Variants in AMPH observed in about 807,000 individuals in gnomAD.
AMPH encodes the protein amphiphysin, also known as amphiphysin (Stiff-Mann syndrome with breast cancer 128kD autoantigen).
AMPH carries 49 observed loss-of-function variants against 99.1 expected under a neutral mutation model. That is an observed-to-expected ratio of 0.49 (90% CI 0.39 to 0.63). AMPH has a LOEUF of 0.63. Ranked by LOEUF, AMPH falls within the 20% of genes least tolerant of loss-of-function variation. The pLI, the probability that AMPH is intolerant of heterozygous loss-of-function variation, is 0.00. For missense variants in AMPH, 759 were observed against 863.4 expected, an observed-to-expected ratio of 0.88 and a Z score of 1.52; for synonymous variants, 314 against 317.3, an observed-to-expected ratio of 0.99 and a Z score of 0.11.
At position 38,571,011 on chromosome 7, in the gene AMPH, ATATATATATT is replaced by A. The variant is rs1296654218; in HGVS notation, c.70-36010_70-36001del. ...ATATATATATATTCATATATATAGA[ATATATATATT>A]CATATATTGAATATATATAGAATAT... On this transcript the variant is annotated intron_variant, in intron 1 of 20. Transcript: ENST00000356264. 1.4e-3 allele frequency among the ~76,000 whole-genome samples: 111 copies of A among 77,492 alleles called. 15 individuals carry two copies. The highest frequency in any genetic ancestry group is 5.9e-3 in the African/African-American group (105 of 17,744). The allele number at this position is 77,492 out of a possible 152,430, so 50.8% of individuals were successfully genotyped here. A position where few individuals can be genotyped will look rare whatever the true frequency, so the allele number is the denominator to read the frequency against.
rs1562835405 is a variant in AMPH at position 38,571,342 on chromosome 7, A to AAC, written c.70-36332_70-36331insGT. On this transcript the variant is annotated intron_variant, in intron 1 of 20. Coordinates refer to ENST00000356264, the MANE Select transcript of AMPH (RefSeq NM_001635.4). ...ATAGAATATATATATTTATATATAG[A>AAC]ATATATATATTTACATATAGAATAT... Among the ~76,000 whole-genome samples, 153 of 52,258 alleles carry AAC rather than the reference A, an allele frequency of 2.9e-3. 5 individuals are homozygous for AAC. Among genetic ancestry groups the AAC allele is most frequent in the African/African-American group, 0.011 (150 of 13,194 alleles). 34.3% of individuals were successfully genotyped at this position (52,258 alleles called of 152,430 possible).
intron 2 of AMPH, among the ~76,000 whole-genome samples, chr7:38,532,527 T>C (rs1219011482): frequency 2.0e-5 from 3 of 152,140 alleles, no homozygotes; most frequent in Admixed American, 6.5e-5. Context: ...TCTTCATGGG[T>C]GCTAATATAC....
At chr7:38,469,978 C>T (rs887545280) in intron 7 of AMPH, among the ~76,000 whole-genome samples, 3 of 152,124 alleles carry the variant, frequency 2.0e-5, no homozygotes, top group African/African-American at 7.2e-5. Context: ...ATTCCACCTG[C>T]TTCTTTCAAA....
At chr7:38,497,493 A>T (rs1190468238) in intron 3 of AMPH, among the ~76,000 whole-genome samples, 2 of 152,198 alleles carry the variant, frequency 1.3e-5, no homozygotes, top group African/African-American at 4.8e-5. Flanking sequence ...TCCCATTTGC[A>T]GCCAAATTTG....
intron 13 of AMPH, among the ~76,000 whole-genome samples, chr7:38,431,580 C>T (rs912680592): frequency 1.3e-4 from 20 of 151,438 alleles, no homozygotes; most frequent in Non-Finnish European, 2.1e-4. Flanking sequence ...GGTGTGAACC[C>T]GGGAGGCGGA....
At chr7:38,441,129 T>TA (rs201093266) in intron 11 of AMPH, among the ~76,000 whole-genome samples, 2 of 151,768 alleles carry the variant, frequency 1.3e-5, no homozygotes, top group African/African-American at 2.4e-5. Context: ...ACATTAACAA[T>TA]AAAAAAAGTA....
At chr7:38,520,817 T>C (rs1789928203) in intron 2 of AMPH, among the ~76,000 whole-genome samples, 1 of 152,200 alleles carries the variant, frequency 6.6e-6, no homozygotes, top group African/African-American at 2.4e-5. Flanking sequence ...GAAAAGAGTT[T>C]GAAAGCCAGC....
At chr7:38,421,963 A>G (rs1307632240) in intron 16 of AMPH, among the ~76,000 whole-genome samples, 1 of 152,172 alleles carries the variant, frequency 6.6e-6, no homozygotes, top group Non-Finnish European at 1.5e-5. Context: ...CTCATTTGGT[A>G]TCAAATTAGG....
At chr7:38,606,236 T>C (rs1435803752) in intron 1 of AMPH, among the ~76,000 whole-genome samples, 1 of 152,174 alleles carries the variant, frequency 6.6e-6, no homozygotes, top group Non-Finnish European at 1.5e-5. Context: ...AACATGAAAT[T>C]CACCATTGTA....
chr7:38,544,464 T>C (rs1790922532), intron 1 of AMPH, among the ~76,000 whole-genome samples: 1 of 152,138 alleles, frequency 6.6e-6, no homozygotes. Flanking sequence ...CTGGGGTCCA[T>C]GAACAGATCC....
Position 38,416,102 on chromosome 7 carries a change from A to AATATAT in AMPH, c.1398+1717_1398+1722dup, listed in dbSNP as rs5883648. On this transcript the variant is annotated intron_variant, in intron 17 of 20. Transcript: ENST00000356264. The stretch of plus-strand genomic sequence containing the variant: ...AGTTTAAACAATGATCAAACATATG[A>AATATAT]ATATATATATATATATATATATATT... Among the ~76,000 whole-genome samples, 181 of 100,500 alleles carry AATATAT rather than the reference A, an allele frequency of 1.8e-3. 11 individuals are homozygous for AATATAT. Among genetic ancestry groups the AATATAT allele is most frequent in the African/African-American group, 3.2e-3 (90 of 27,872 alleles). 65.9% of individuals were successfully genotyped at this position (100,500 alleles called of 152,430 possible).
chr7:38,535,553 T>C (rs28593382), intron 1 of AMPH, among the ~76,000 whole-genome samples: 12,625 of 152,204 alleles, frequency 0.083, 832 homozygotes, highest in East Asian at 0.31. Flanking sequence ...CTACATTTAT[T>C]GTGCACTTTA....
chr7:38,468,312 C>T (rs1455796765), intron 7 of AMPH, among the ~76,000 whole-genome samples: 1 of 152,124 alleles, frequency 6.6e-6, no homozygotes, highest in Non-Finnish European at 1.5e-5. Context: ...TTGTGAATCA[C>T]CTATTCAAAT....
At chr7:38,538,159 T>C (rs1214528746) in intron 1 of AMPH, among the ~76,000 whole-genome samples, 1 of 152,190 alleles carries the variant, frequency 6.6e-6, no homozygotes, top group African/African-American at 2.4e-5. Flanking sequence ...GCTTCACCAA[T>C]AGTTAGGGTC....
chr7:38,505,524 C>A (rs1388099782), intron 2 of AMPH, among the ~76,000 whole-genome samples: 2 of 152,104 alleles, frequency 1.3e-5, no homozygotes, highest in Admixed American at 1.3e-4. Flanking sequence ...GGTTTTAAAT[C>A]AAAACTCAAG....
chr7:38,621,142 G>C (rs1211729901), intron 1 of AMPH, among the ~76,000 whole-genome samples: 2 of 152,156 alleles, frequency 1.3e-5, no homozygotes, highest in African/African-American at 4.8e-5. Flanking sequence ...CCTCTTGTCT[G>C]ATGGCTACAA....
At chr7:38,606,566 CTTTTTTT>C (rs56934636) in intron 1 of AMPH, among the ~76,000 whole-genome samples, 1 of 97,274 alleles carries the variant, frequency 1.0e-5, no homozygotes, top group African/African-American at 4.2e-5. Context: ...ACGTCATTCT[CTTTTTTT>C]TTTTTTTTTT....
At chr7:38,618,784 C>T (rs907261161) in intron 1 of AMPH, among the ~76,000 whole-genome samples, 1 of 151,876 alleles carries the variant, frequency 6.6e-6, no homozygotes, top group Non-Finnish European at 1.5e-5. Flanking sequence ...TAAAAGACCA[C>T]ACAAGAAAAT....
rs369721153 is a variant in AMPH, at chr7:38,570,857, G to C, written c.70-35846C>G. On this transcript the variant is annotated intron_variant, in intron 1 of 20. Coordinates refer to ENST00000356264, the MANE Select transcript of AMPH (RefSeq NM_001635.4). Reference sequence around the variant, plus strand: ...ACAAGGCGTGGAGGTGGAAGACAGTGATACTGGTGATCCTGACCCTGTGTA... The same window carrying C: ...ACAAGGCGTGGAGGTGGAAGACAGTCATACTGGTGATCCTGACCCTGTGTA... Among the ~76,000 whole-genome samples the C allele has an allele frequency of 3.7e-5, 5 of 136,092 alleles. No homozygotes were observed. The East Asian group carries it at 1.0e-3, about 28-fold the overall frequency. 89.3% of individuals were successfully genotyped at this position (136,092 alleles called of 152,430 possible). A position where few individuals can be genotyped will look rare whatever the true frequency, so the allele number is the denominator to read the frequency against.
Sources: gnomAD v4.1 joint callset for allele counts (sites outside exome capture counted in the v4.1 genomes callset) on GRCh38, gnomAD v4.1.1 for gene constraint, MANE v1.5 for transcripts, NCBI Gene and HGNC (gene_info 2026-07-23, HGNC 2026-07-21) for gene names.